DSTYK: variants seen among roughly 807,000 people sequenced by gnomAD.
DSTYK encodes the protein dual serine/threonine and tyrosine protein kinase.
In DSTYK, 34 loss-of-function variants were observed where a neutral mutation model predicts 98.7. The observed-to-expected ratio is 0.34, with a 90% confidence interval of 0.26 to 0.46. The LOEUF is 0.46. DSTYK is among the 20% of genes least tolerant of loss of function. The pLI, the probability that DSTYK is intolerant of heterozygous loss-of-function variation, is 1.00. For missense variants in DSTYK, 962 were observed against 1,181.7 expected (o/e 0.81, Z 2.73); for synonymous variants, 462 against 457.3 (o/e 1.01, Z -0.13).
At chr1:205,170,045 A>G (rs529895692) in intron 2 of DSTYK, among the ~76,000 whole-genome samples, 3 of 148,190 alleles carry the variant, frequency 2.0e-5, no homozygotes, top group African/African-American at 7.3e-5. Context: ...GAAAAAACAA[A>G]GAAGTAGAAA....
intron 2 of DSTYK, among the ~76,000 whole-genome samples, chr1:205,174,455 G>A (rs952803276): frequency 6.7e-6 from 1 of 149,272 alleles, no homozygotes; most frequent in East Asian, 2.1e-4. Flanking sequence ...GGAGGTTGCA[G>A]TGAGCTGAGA....
intron 7 of DSTYK, 37 bp downstream of exon 7, chr1:205,161,221 C>A (rs1224707509): frequency 6.2e-7 from 1 of 1,611,004 alleles, no homozygotes; most frequent in Non-Finnish European, 8.5e-7. Context: ...GTATCCTGAA[C>A]CATCCTCCAG....
At chr1:205,193,281 C>T (rs1358399225) in intron 1 of DSTYK, among the ~76,000 whole-genome samples, 1 of 152,206 alleles carries the variant, frequency 6.6e-6, no homozygotes, top group Non-Finnish European at 1.5e-5. Flanking sequence ...TGACCTGTTT[C>T]TGTTGCTAGT....
chr1:205,184,123 C>T (rs966926694), intron 2 of DSTYK, among the ~76,000 whole-genome samples: 2 of 152,052 alleles, frequency 1.3e-5, no homozygotes, highest in East Asian at 1.9e-4. Context: ...TGTCTGCATG[C>T]TTAGCACACA....
At chr1:205,163,625 C>G (rs1196312766) in intron 4 of DSTYK, 98 bp downstream of exon 4, 5 of 993,226 alleles carry the variant, frequency 5.0e-6, no homozygotes, top group African/African-American at 1.6e-5. Context: ...TCGCAAGAAG[C>G]TGAAAGGGAA....
intron 1 of DSTYK, among the ~76,000 whole-genome samples, chr1:205,189,555 T>C (rs950072067): frequency 2.6e-5 from 4 of 152,234 alleles, no homozygotes; most frequent in African/African-American, 9.6e-5. Context: ...GCCATTTATT[T>C]TGTTTGTTTC....
intron 1 of DSTYK, among the ~76,000 whole-genome samples, chr1:205,200,227 A>G (rs1056459051): frequency 6.6e-6 from 1 of 152,036 alleles, no homozygotes; most frequent in Non-Finnish European, 1.5e-5. Context: ...TAGTAGGGAC[A>G]AGGTTTCACC....
intron 1 of DSTYK, 110 bp from the exon 2 acceptor site, chr1:205,187,916 A>G: frequency 8.9e-7 from 1 of 1,125,636 alleles, no homozygotes; most frequent in Non-Finnish European, 1.2e-6. Context: ...ACAAGGTCCT[A>G]GAGGAGAAAT....
chr1:205,176,192 T>C (rs1658222618), intron 2 of DSTYK, among the ~76,000 whole-genome samples: 1 of 152,032 alleles, frequency 6.6e-6, no homozygotes, highest in Admixed American at 6.6e-5. Flanking sequence ...AGAAATGCAA[T>C]AGAGGCTGGG....
Position 205,187,613 on chromosome 1 carries a change from G to C in DSTYK, c.459C>G (p.Leu153=), listed in dbSNP as rs1356083425. ...GAGTCTGAGTCCCATAGGTGAAGCG[G>C]AGGCGCCGAAGCTTACAGCTCTCCT... ...GSEESCKLRR[L]RFTYGTQTRV... The change falls in exon 2 of 13, where the codon CTC becomes CTG. Residue 153 remains leucine, a synonymous_variant. Transcript: ENST00000367162. 6.2e-7 allele frequency: 1 copy of C among 1,614,052 alleles called. No individual in the cohort carries two copies. The highest frequency in any genetic ancestry group is 1.3e-5 in the African/African-American group (1 of 74,904).
chr1:205,198,817 T>C (rs1414005906), intron 1 of DSTYK, among the ~76,000 whole-genome samples: 1 of 144,200 alleles, frequency 6.9e-6, no homozygotes, highest in Admixed American at 7.2e-5. Flanking sequence ...TTGTCTGGCA[T>C]AAATAAGGCA....
At chr1:205,201,418 A>AC (rs1659036045) in intron 1 of DSTYK, among the ~76,000 whole-genome samples, 1 of 151,432 alleles carries the variant, frequency 6.6e-6, no homozygotes, top group Non-Finnish European at 1.5e-5. Flanking sequence ...AAAAAAAAAA[A>AC]AAAAAAGAAT....
chr1:205,157,761 CAAA>C (rs11404936), intron 9 of DSTYK, among the ~76,000 whole-genome samples: 1 of 108,024 alleles, frequency 9.3e-6, no homozygotes, highest in African/African-American at 4.7e-5. Flanking sequence ...GACTCTGTCT[CAAA>C]AAAAAAAAAA....
chr1:205,198,761 C>A (rs1327694722), intron 1 of DSTYK, among the ~76,000 whole-genome samples: 8 of 151,296 alleles, frequency 5.3e-5, no homozygotes, highest in Non-Finnish European at 1.2e-4. Flanking sequence ...ATTCTCTCCC[C>A]ATTAAATAGA....
Position 205,159,600 on chromosome 1 carries a change from C to A in DSTYK, c.2185G>T (p.Ala729Ser). ...DYNYGGGSSI[A>S]VLLIMERLHR... ...AGCCGCTCCATAATGAGGAGCACAG[C>A]AATGCTGGAGCCACCACCATAGTTG... The change falls in exon 9 of 13, where the codon GCT (alanine) becomes TCT (serine). Residue 729 changes from alanine (A) to serine (S), a missense_variant. Ala to Ser is a moderately conservative substitution (Grantham distance 99, BLOSUM62 1). This residue lies in a region of DSTYK where 660 missense variants were observed against 855.0 expected (regional missense o/e 0.77). Coordinates refer to ENST00000367162, the MANE Select transcript of DSTYK (RefSeq NM_015375.3). The A allele has an allele frequency of 6.2e-7, 1 of 1,613,624 alleles. No individual in the cohort carries two copies. Among genetic ancestry groups the A allele is most frequent in the Non-Finnish European group, 8.5e-7 (1 of 1,179,884 alleles).
chr1:205,200,878 C>T (rs1357113144), intron 1 of DSTYK, among the ~76,000 whole-genome samples: 1 of 151,870 alleles, frequency 6.6e-6, no homozygotes, highest in Non-Finnish European at 1.5e-5. Context: ...CTTGATAGCA[C>T]AACAGGGTGA....
At chr1:205,209,605 A>AAGTT in intron 1 of DSTYK, among the ~76,000 whole-genome samples, 1 of 152,048 alleles carries the variant, frequency 6.6e-6, no homozygotes, top group Admixed American at 6.6e-5. Context: ...GCCTTATTTT[A>AAGTT]CCTTGTAACA....
rs547036245 is a variant in DSTYK, at chr1:205,163,928, G to C, written c.1352C>G (p.Pro451Arg). 2 of 1,613,982 alleles carry C rather than the reference G, an allele frequency of 1.2e-6. No individual in the cohort carries two copies. The highest frequency in any genetic ancestry group is 8.5e-7 in the Non-Finnish European group (1 of 1,180,012). ...KDVIVPENGE[P>R]VGTREIKCCI... ...GCATTTGATCTCTCTGGTGCCTACT[G>C]GTTCTCCATTCTCAGGGACAATGAC... Residue 451 changes from proline (P) to arginine (R), a missense_variant, in exon 4 of 13, where the codon CCA becomes CGA. Pro to Arg is a moderately radical substitution (Grantham distance 103, BLOSUM62 -2). Transcript: ENST00000367162.
intron 11 of DSTYK, among the ~76,000 whole-genome samples, chr1:205,149,146 C>T (rs1246186804): frequency 6.6e-6 from 1 of 152,000 alleles, no homozygotes; most frequent in Non-Finnish European, 1.5e-5. Flanking sequence ...AGGCGATCCA[C>T]CTGCCTTGGC....
Sources: allele counts gnomAD v4.1 joint callset (sites outside exome capture counted in the v4.1 genomes callset), GRCh38; gene constraint gnomAD v4.1.1; regional missense constraint gnomAD v4.1.1; transcripts MANE v1.5; gene names NCBI Gene and HGNC (gene_info 2026-07-23, HGNC 2026-07-21).